SNX9: variants seen among roughly 807,000 people sequenced by gnomAD.
The protein encoded by SNX9 is sorting nexin-9.
SNX9 carries 44 observed loss-of-function variants against 89.4 expected under a neutral mutation model. The observed-to-expected ratio is 0.49, with a 90% CI of 0.39 to 0.63. The LOEUF (loss-of-function observed/expected upper bound fraction) is 0.63, where lower values mean the gene tolerates loss of function less well. SNX9 is among the 30% of genes least tolerant of loss of function. The pLI is 0.00. For synonymous variants in SNX9, 236 were observed against 247.8 expected, an observed-to-expected ratio of 0.95 and a Z score of 0.45; for missense variants, 578 against 736.1, an observed-to-expected ratio of 0.79 and a Z score of 2.49.
At chr6:157,937,569 A>G in intron 15 of SNX9, 46 bp downstream of exon 15, 2 of 1,311,210 alleles carry the variant, frequency 1.5e-6, no homozygotes, top group Non-Finnish European at 2.2e-6. Flanking sequence ...CAGGTGAAGG[A>G]GGCAGATGTG....
intron 4 of SNX9, among the ~76,000 whole-genome samples, chr6:157,891,564 A>C (rs1006138136): frequency 6.6e-6 from 1 of 152,224 alleles, no homozygotes; most frequent in African/African-American, 2.4e-5. Context: ...GATCAAGAAC[A>C]TCACATTTAA....
intron 1 of SNX9, among the ~76,000 whole-genome samples, chr6:157,846,014 A>G (rs957962214): frequency 6.6e-6 from 1 of 152,196 alleles, no homozygotes; most frequent in Non-Finnish European, 1.5e-5. Flanking sequence ...GGAAGGCACA[A>G]AGGATCCTGG....
Position 157,942,906 on chromosome 6 carries a change from T to C in SNX9, c.*68T>C. 6.7e-7 allele frequency: 1 copy of C among 1,481,670 alleles called. No individual in the cohort carries two copies. The highest frequency in any genetic ancestry group is 2.4e-5 in the East Asian group (1 of 41,836). The allele number at this position is 1,481,670 out of a possible 1,614,324, so 91.8% of individuals were successfully genotyped here. A position where few individuals can be genotyped will look rare whatever the true frequency, so the allele number is the denominator to read the frequency against. ...ACTTGGGGCAATGCAATTCAAAACT[T>C]TTTTTCCCCTATTATTCAGAAAAAA... On this transcript the variant is annotated 3_prime_UTR_variant, in exon 18 of 18. Coordinates refer to ENST00000392185, the MANE Select transcript of SNX9 (RefSeq NM_016224.5).
At chr6:157,871,667 TAAAGTA>T (rs1782414748) in intron 2 of SNX9, among the ~76,000 whole-genome samples, 2 of 151,978 alleles carry the variant, frequency 1.3e-5, no homozygotes, top group South Asian at 4.1e-4. Context: ...CCCTAGAACT[TAAAGTA>T]TAATAATAAT....
intron 4 of SNX9, among the ~76,000 whole-genome samples, chr6:157,883,972 AT>A (rs952826838): frequency 1.3e-5 from 2 of 152,002 alleles, no homozygotes; most frequent in African/African-American, 4.8e-5. Context: ...TGTTTGAATA[AT>A]TTTTTTTCAG....
At chr6:157,926,493 T>C (rs937652127) in intron 10 of SNX9, among the ~76,000 whole-genome samples, 9 of 152,080 alleles carry the variant, frequency 5.9e-5, no homozygotes, top group Admixed American at 3.3e-4. Context: ...TCAGAATGCA[T>C]AGGGTGGGCC....
chr6:157,843,255 T>G (rs1261941049), intron 1 of SNX9, among the ~76,000 whole-genome samples: 1 of 152,090 alleles, frequency 6.6e-6, no homozygotes, highest in Non-Finnish European at 1.5e-5. Context: ...TTGAACAATG[T>G]GGGGGTTAGG....
At chr6:157,903,571 G>A (rs1013158925) in intron 6 of SNX9, among the ~76,000 whole-genome samples, 10 of 152,316 alleles carry the variant, frequency 6.6e-5, no homozygotes, top group African/African-American at 2.4e-4. Flanking sequence ...CTTTAAATGT[G>A]AATATAAAGT....
intron 6 of SNX9, 151 bp from the exon 7 acceptor site, chr6:157,905,977 G>T: frequency 1.7e-6 from 1 of 591,154 alleles, no homozygotes; most frequent in Non-Finnish European, 2.9e-6. Flanking sequence ...TGAACAATCT[G>T]ATTACATTAG....
rs183167394 is a variant in SNX9 at position 157,927,296 on chromosome 6, A to G, written c.1184+82A>G. The G allele has an allele frequency of 6.4e-5, 59 of 917,498 alleles. No homozygotes were observed. The East Asian group carries it at 1.4e-3, about 21-fold the overall frequency. 56.8% of individuals were successfully genotyped at this position (917,498 alleles called of 1,614,324 possible). On this transcript the variant is annotated intron_variant, in intron 11 of 17. Coordinates refer to ENST00000392185, the MANE Select transcript of SNX9 (RefSeq NM_016224.5). Reference sequence around the variant, plus strand: ...ATCAGGCTTCAGCCAGTGTAGCCGCAGCCGAAACTCAAATCAGACTAGACT... The same window carrying G: ...ATCAGGCTTCAGCCAGTGTAGCCGCGGCCGAAACTCAAATCAGACTAGACT...
chr6:157,825,237 G>T (rs572548908), intron 1 of SNX9, among the ~76,000 whole-genome samples: 1 of 152,200 alleles, frequency 6.6e-6, no homozygotes, highest in South Asian at 2.1e-4. Context: ...GACAGAGCGA[G>T]ACTCCGTTTG....
chr6:157,853,969 G>A (rs79960023), intron 1 of SNX9, among the ~76,000 whole-genome samples: 4,556 of 152,244 alleles, frequency 0.03, 221 homozygotes, highest in African/African-American at 0.1. Context: ...GTGAAACAGT[G>A]GTGTGAGGAT....
At chr6:157,868,528 T>C (rs1782318754) in intron 2 of SNX9, among the ~76,000 whole-genome samples, 1 of 152,234 alleles carries the variant, frequency 6.6e-6, no homozygotes, top group Admixed American at 6.5e-5. Context: ...TGGTCTGTGT[T>C]GTCAGGAAGC....
At chr6:157,874,783 A>G (rs1370592120) in intron 3 of SNX9, 5 of 281,826 alleles carry the variant, frequency 1.8e-5, no homozygotes, top group Non-Finnish European at 3.3e-5. Context: ...TAGATGGAAA[A>G]TCTGTAAATA....
At chr6:157,909,273 T>C (rs953138864) in intron 7 of SNX9, among the ~76,000 whole-genome samples, 3 of 152,244 alleles carry the variant, frequency 2.0e-5, no homozygotes, top group African/African-American at 7.2e-5. Context: ...AATCAAAATG[T>C]GTAATGTTAT....
chr6:157,931,399 A>C (rs16900513), intron 12 of SNX9, among the ~76,000 whole-genome samples: 1,836 of 152,332 alleles, frequency 0.012, 42 homozygotes, highest in African/African-American at 0.042. Context: ...TTAATACTGC[A>C]GTGAGTCTTT....
At chr6:157,897,396 C>T (rs533703708) in intron 5 of SNX9, among the ~76,000 whole-genome samples, 13 of 152,278 alleles carry the variant, frequency 8.5e-5, no homozygotes, top group Admixed American at 8.5e-4. Flanking sequence ...GGACGCAGAG[C>T]TTCCATGCCC....
chr6:157,850,450 C>T (rs185428695), intron 1 of SNX9, among the ~76,000 whole-genome samples: 5 of 152,158 alleles, frequency 3.3e-5, no homozygotes, highest in Admixed American at 6.5e-5. Flanking sequence ...GTGGGTTAAA[C>T]ACTAATGGGA....
chr6:157,925,032 G>A (rs1397068046), intron 10 of SNX9, among the ~76,000 whole-genome samples: 1 of 152,180 alleles, frequency 6.6e-6, no homozygotes, highest in African/African-American at 2.4e-5. Context: ...GACTATGCAG[G>A]AAGATGTGGA....
Sources: allele counts gnomAD v4.1 joint callset (sites outside exome capture counted in the v4.1 genomes callset), GRCh38; gene constraint gnomAD v4.1.1; transcripts MANE v1.5; gene names NCBI Gene and HGNC (gene_info 2026-07-23, HGNC 2026-07-21).